NAA15: variants seen among roughly 807,000 people sequenced by gnomAD.
NAA15 encodes the protein N-alpha-acetyltransferase 15, NatA auxiliary subunit, also known as N-terminal acetyltransferase.
NAA15 carries 34 observed loss-of-function variants against 114.0 expected under a neutral mutation model. That is an observed-to-expected ratio of 0.30 (90% CI 0.23 to 0.40). The LOEUF is 0.40. Ranked by LOEUF, NAA15 falls within the 10% of genes least tolerant of loss-of-function variation. The pLI is 1.00. For synonymous variants in NAA15, 340 were observed against 338.0 expected (o/e 1.01, Z -0.06); for missense variants, 658 against 1,004.5 (o/e 0.66, Z 4.66).
At chr4:139,335,397 A>AT (rs150559603) in intron 2 of NAA15, among the ~76,000 whole-genome samples, 3 of 151,904 alleles carry the variant, frequency 2.0e-5, no homozygotes, top group Non-Finnish European at 4.4e-5. Flanking sequence ...ATAGAGTTTC[A>AT]TTGTGTTGTC....
At chr4:139,359,626 G>A (rs1403914460) in intron 11 of NAA15, 117 bp from the exon 12 acceptor site, 5 of 925,028 alleles carry the variant, frequency 5.4e-6, no homozygotes, top group African/African-American at 1.7e-5. Context: ...GCATCTAAGA[G>A]TCACAAGAAT....
At chr4:139,352,455 A>G (rs1316193538) in intron 9 of NAA15, among the ~76,000 whole-genome samples, 3 of 151,962 alleles carry the variant, frequency 2.0e-5, no homozygotes, top group South Asian at 2.1e-4. Flanking sequence ...TTATAAGTAC[A>G]GTGTCATCAA....
chr4:139,306,621 T>G (rs1184102002), intron 1 of NAA15, among the ~76,000 whole-genome samples: 3 of 152,102 alleles, frequency 2.0e-5, no homozygotes, highest in African/African-American at 7.2e-5. Context: ...TTGTTTTGTT[T>G]TGTTTTGTTT....
intron 15 of NAA15, among the ~76,000 whole-genome samples, chr4:139,371,497 GCACACACACACACACACACACACA>G (rs35581039): frequency 7.9e-5 from 9 of 113,662 alleles, no homozygotes; most frequent in Non-Finnish European, 1.4e-4. Context: ...AAGAAAAGTA[GCACACACACACACACACACACACA>G]CACACACACA....
intron 1 of NAA15, among the ~76,000 whole-genome samples, chr4:139,326,495 A>G (rs1055548494): frequency 2.0e-5 from 3 of 152,200 alleles, no homozygotes; most frequent in Admixed American, 2.0e-4. Context: ...TCTTTTTGAT[A>G]CTCAGCAAAG....
intron 14 of NAA15, among the ~76,000 whole-genome samples, chr4:139,363,372 C>A (rs1748186968): frequency 6.6e-6 from 1 of 152,184 alleles, no homozygotes; most frequent in Non-Finnish European, 1.5e-5. Context: ...AGGATCAATT[C>A]CCTTTATGCA....
chr4:139,335,763 G>GT (rs764188558), intron 2 of NAA15, among the ~76,000 whole-genome samples: 588 of 140,476 alleles, frequency 4.2e-3, no homozygotes, highest in South Asian at 3.9e-3. Context: ...TTCATTGAAA[G>GT]TTTTTTTTTT....
intron 1 of NAA15, among the ~76,000 whole-genome samples, chr4:139,305,949 C>T (rs556081792): frequency 2.4e-4 from 37 of 152,176 alleles, no homozygotes; most frequent in Admixed American, 8.5e-4. Flanking sequence ...GTTTGTATTT[C>T]AAAATAAACA....
At position 139,358,013 on chromosome 4, in the gene NAA15, T is replaced by G. The variant is rs190382874; in HGVS notation, c.1257+458T>G. On this transcript the variant is annotated intron_variant, in intron 11 of 19. Transcript: ENST00000296543. Reference sequence around the variant, plus strand: ...CAACTCCTGGGCCTTGCTTGAGAATTTTTAGTCATATATTTTAGTATCATC... The same window carrying G: ...CAACTCCTGGGCCTTGCTTGAGAATGTTTAGTCATATATTTTAGTATCATC... 1.7e-4 allele frequency among the ~76,000 whole-genome samples: 26 copies of G among 152,274 alleles called. No individual in the cohort carries two copies. In the East Asian group the frequency reaches 3.7e-3, roughly 21 times the overall value.
intron 1 of NAA15, among the ~76,000 whole-genome samples, chr4:139,315,887 A>G (rs942205417): frequency 4.0e-5 from 6 of 151,560 alleles, no homozygotes; most frequent in African/African-American, 1.5e-4. Flanking sequence ...TTTAAAAAAA[A>G]AAATTTAGGT....
chr4:139,376,782 C>G (rs1165436628), intron 16 of NAA15, among the ~76,000 whole-genome samples: 1 of 152,052 alleles, frequency 6.6e-6, no homozygotes, highest in Non-Finnish European at 1.5e-5. Flanking sequence ...GAGCTTAGAC[C>G]TAGTACCTGG....
chr4:139,344,255 G>A lies in NAA15; in HGVS notation c.607G>A (p.Ala203Thr). The A allele has an allele frequency of 6.2e-7, 1 of 1,613,056 alleles. No homozygotes were observed. The highest frequency in any genetic ancestry group is 1.1e-5 in the South Asian group (1 of 90,990). The stretch of plus-strand genomic sequence containing the variant: ...ATATCAGAATCAAGTTCTTCGGGAA[G>A]CAGGTCTCTATAGAGAAGCTTTGGA... ...LLYQNQVLRE[A>T]GLYREALEHL... The change falls in exon 6 of 20, where the codon GCA becomes ACA. Residue 203 changes from alanine (A) to threonine (T), a missense_variant. Around this residue, in one of 6 missense-constraint regions of NAA15, gnomAD observed 281 missense variants for 389.1 expected, o/e 0.72. Coordinates refer to ENST00000296543, the MANE Select transcript of NAA15 (RefSeq NM_057175.5).
intron 6 of NAA15, among the ~76,000 whole-genome samples, chr4:139,346,381 T>A (rs981038866): frequency 6.6e-6 from 1 of 151,952 alleles, no homozygotes; most frequent in East Asian, 1.9e-4. Context: ...ACAGGGTGTA[T>A]AAAGAGAATA....
intron 16 of NAA15, among the ~76,000 whole-genome samples, chr4:139,377,765 C>T (rs1011980878): frequency 2.0e-5 from 3 of 152,108 alleles, no homozygotes; most frequent in African/African-American, 7.2e-5. Flanking sequence ...TTCTACTTCC[C>T]ACAATTATTA....
At chr4:139,343,950 T>C (rs1747493199) in intron 5 of NAA15, among the ~76,000 whole-genome samples, 1 of 152,184 alleles carries the variant, frequency 6.6e-6, no homozygotes, top group African/African-American at 2.4e-5. Flanking sequence ...CTTTCCCTTC[T>C]TCCCCATATT....
intron 16 of NAA15, among the ~76,000 whole-genome samples, chr4:139,378,085 G>A (rs1748640016): frequency 6.6e-6 from 1 of 152,090 alleles, no homozygotes; most frequent in Admixed American, 6.6e-5. Context: ...AGAAGAGACT[G>A]GGGTTTTGAA....
At chr4:139,355,063 G>A (rs1299446482) in intron 10 of NAA15, among the ~76,000 whole-genome samples, 4 of 151,730 alleles carry the variant, frequency 2.6e-5, no homozygotes, top group African/African-American at 7.3e-5. Context: ...TGGTAGAGAC[G>A]GGGTCTCACC....
intron 6 of NAA15, 114 bp from the exon 7 acceptor site, chr4:139,349,348 T>G (rs543103493): frequency 1.6e-4 from 147 of 908,382 alleles, no homozygotes; most frequent in Non-Finnish European, 1.9e-4. Context: ...GTCCATCCAC[T>G]TAGCAGCACT....
intron 1 of NAA15, among the ~76,000 whole-genome samples, chr4:139,315,181 A>G (rs772932310): frequency 4.0e-5 from 6 of 151,700 alleles, no homozygotes; most frequent in Admixed American, 6.6e-5. Flanking sequence ...GATAGAGGCT[A>G]ATTCATTTTA....
Sources: allele counts gnomAD v4.1 joint callset (sites outside exome capture counted in the v4.1 genomes callset), GRCh38; gene constraint gnomAD v4.1.1; regional missense constraint gnomAD v4.1.1; transcripts MANE v1.5; gene names NCBI Gene and HGNC (gene_info 2026-07-23, HGNC 2026-07-21).